Variants in RASA1 observed in about 807,000 individuals in gnomAD.
RASA1 encodes RAS p21 protein activator 1.
Under a neutral mutation model 132.2 loss-of-function variants are expected in RASA1, and 25 were observed. The ratio of observed to expected loss-of-function variants is 0.19; its 90% CI spans 0.14 to 0.26. The LOEUF is 0.26. RASA1 is among the 10% of genes least tolerant of loss of function. RASA1 has a pLI of 1.00. For missense variants in RASA1, 964 were observed against 1,299.2 expected, an observed-to-expected ratio of 0.74 and a Z score of 3.97; for synonymous variants, 477 against 449.9, an observed-to-expected ratio of 1.06 and a Z score of -0.76.
At chr5:87,304,213 ATTC>A (rs1250385925) in intron 1 of RASA1, among the ~76,000 whole-genome samples, 1 of 152,100 alleles carries the variant, frequency 6.6e-6, no homozygotes, top group Non-Finnish European at 1.5e-5. Flanking sequence ...AGCATTTTGT[ATTC>A]TTCTACTTTC....
At chr5:87,310,478 C>T (rs1419387791) in intron 1 of RASA1, among the ~76,000 whole-genome samples, 1 of 152,104 alleles carries the variant, frequency 6.6e-6, no homozygotes, top group African/African-American at 2.4e-5. Flanking sequence ...TACTTGAAAA[C>T]AATGGCCACC....
chr5:87,346,068 C>T (rs959995900), intron 6 of RASA1, among the ~76,000 whole-genome samples: 1 of 151,970 alleles, frequency 6.6e-6, no homozygotes. Flanking sequence ...TTTCTAAAGG[C>T]TTAATTTAAG....
At chr5:87,337,101 T>C (rs1406209854) in intron 4 of RASA1, among the ~76,000 whole-genome samples, 3 of 152,080 alleles carry the variant, frequency 2.0e-5, no homozygotes, top group Non-Finnish European at 4.4e-5. Context: ...AATACAGTTA[T>C]AGATACAGGG....
chr5:87,277,789 G>C (rs1406073618), intron 1 of RASA1, among the ~76,000 whole-genome samples: 1 of 152,020 alleles, frequency 6.6e-6, no homozygotes, highest in African/African-American at 2.4e-5. Context: ...CTGTGGGAGA[G>C]AAAATCTTGC....
At chr5:87,344,678 ATTTTTTT>A (rs113174684) in intron 6 of RASA1, among the ~76,000 whole-genome samples, 5,440 of 131,214 alleles carry the variant, frequency 0.041, 188 homozygotes, top group African/African-American at 0.093. Flanking sequence ...AAATGTTGTA[ATTTTTTT>A]TTTTTTTTTT....
chr5:87,344,079 G>C (rs890998044), intron 6 of RASA1, among the ~76,000 whole-genome samples: 2 of 152,158 alleles, frequency 1.3e-5, no homozygotes. Context: ...GGGTAGCAGG[G>C]AAGGGGGGAT....
chr5:87,278,463 G>A (rs1331448704), intron 1 of RASA1, among the ~76,000 whole-genome samples: 5 of 151,834 alleles, frequency 3.3e-5, no homozygotes, highest in Non-Finnish European at 5.9e-5. Flanking sequence ...GGAGAATGGC[G>A]TGAACCTGGG....
intron 1 of RASA1, among the ~76,000 whole-genome samples, chr5:87,305,919 C>T (rs1755587501): frequency 6.6e-6 from 1 of 152,124 alleles, no homozygotes; most frequent in Non-Finnish European, 1.5e-5. Flanking sequence ...TAAATCAAAG[C>T]CACAATGACA....
chr5:87,286,271 T>G (rs1176591917), intron 1 of RASA1, among the ~76,000 whole-genome samples: 2 of 152,140 alleles, frequency 1.3e-5, no homozygotes, highest in Non-Finnish European at 2.9e-5. Flanking sequence ...CCCAAAAGGA[T>G]CTGACATTTC....
At chr5:87,280,628 T>C (rs913840298) in intron 1 of RASA1, among the ~76,000 whole-genome samples, 8 of 152,208 alleles carry the variant, frequency 5.3e-5, no homozygotes, top group Non-Finnish European at 1.0e-4. Context: ...AATCTTTTCA[T>C]GTGCTTTTTC....
At position 87,349,323 on chromosome 5, in the gene RASA1, G is replaced by A. The variant is rs371724329; in HGVS notation, c.1212G>A (p.Thr404=). Residue 404 remains threonine (T), a synonymous_variant, in exon 8 of 25, where the codon ACG becomes ACA. Transcript: ENST00000274376. ...TTCAGCGATTTAAAATATGTCCAAC[G>A]CCAAACAATCAGTTTATGATGGGAG... ...ENIQRFKICP[T]PNNQFMMGGR... The A allele has an allele frequency of 2.2e-5, 35 of 1,611,706 alleles. No homozygotes were observed. The highest frequency in any genetic ancestry group is 6.7e-5 in the East Asian group (3 of 44,738).
At position 87,347,208 on chromosome 5, in the gene RASA1, T is replaced by G. The variant is rs190284425; in HGVS notation, c.1102+484T>G. ...TCAGTAGAACGATATTGTATTGTTT[T>G]TATTCTTTTGCTGTTCAGCTACAGC... On this transcript the variant is annotated intron_variant, in intron 7 of 24. Coordinates refer to ENST00000274376, the MANE Select transcript of RASA1 (RefSeq NM_002890.3). Among the ~76,000 whole-genome samples, 1,107 of 152,174 alleles carry G rather than the reference T, an allele frequency of 7.3e-3. 11 individuals carry two copies. The highest frequency in any genetic ancestry group is 0.031 in the Middle Eastern group (9 of 294).
At chr5:87,298,643 T>C (rs906297097) in intron 1 of RASA1, among the ~76,000 whole-genome samples, 2 of 152,224 alleles carry the variant, frequency 1.3e-5, no homozygotes, top group Non-Finnish European at 2.9e-5. Flanking sequence ...TTTTTTATTC[T>C]TAATAGTAAA....
chr5:87,271,152 C>T (rs1041396620), intron 1 of RASA1, among the ~76,000 whole-genome samples: 2 of 151,932 alleles, frequency 1.3e-5, no homozygotes, highest in Admixed American at 6.6e-5. Flanking sequence ...GCAGGAGAAT[C>T]GCTTGAACCC....
intron 20 of RASA1, among the ~76,000 whole-genome samples, chr5:87,383,181 T>C (rs967745222): frequency 6.6e-6 from 1 of 152,172 alleles, no homozygotes; most frequent in African/African-American, 2.4e-5. Context: ...ACTTTTTCTC[T>C]AGTGCAATGG....
At chr5:87,280,756 T>C (rs2112244691) in intron 1 of RASA1, among the ~76,000 whole-genome samples, 1 of 152,150 alleles carries the variant, frequency 6.6e-6, no homozygotes, top group South Asian at 2.1e-4. Flanking sequence ...GTCAGAATTT[T>C]CTTTCTTTCT....
intron 12 of RASA1, among the ~76,000 whole-genome samples, chr5:87,370,413 A>G (rs1760841806): frequency 6.6e-6 from 1 of 152,218 alleles, no homozygotes; most frequent in Admixed American, 6.5e-5. Context: ...TATAGCGTCT[A>G]TTAAGTAATT....
chr5:87,292,410 G>C (rs1580208171), intron 1 of RASA1, among the ~76,000 whole-genome samples: 2 of 147,364 alleles, frequency 1.4e-5, no homozygotes, highest in African/African-American at 5.0e-5. Flanking sequence ...AGTTGTGCCA[G>C]CACTGTTTGT....
intron 9 of RASA1, among the ~76,000 whole-genome samples, chr5:87,360,470 A>C (rs936452214): frequency 1.3e-5 from 2 of 152,174 alleles, no homozygotes; most frequent in African/African-American, 4.8e-5. Flanking sequence ...TACAGTGTCC[A>C]TTGCTCCATA....
Sources: gnomAD v4.1 joint callset for allele counts (sites outside exome capture counted in the v4.1 genomes callset) on GRCh38, gnomAD v4.1.1 for gene constraint, MANE v1.5 for transcripts, NCBI Gene and HGNC (gene_info 2026-07-23, HGNC 2026-07-21) for gene names.